NTN4: variants seen among roughly 807,000 people sequenced by gnomAD.
NTN4 encodes netrin-4.
Under a neutral mutation model 73.6 loss-of-function variants are expected in NTN4, and 32 were observed. The ratio of observed to expected loss-of-function variants is 0.44; its 90% CI spans 0.33 to 0.58. The LOEUF (loss-of-function observed/expected upper bound fraction) is 0.58, where lower values mean the gene tolerates loss of function less well. NTN4 is among the 20% of genes least tolerant of loss of function. The pLI is 0.04. For missense variants in NTN4, 654 were observed against 798.3 expected, an observed-to-expected ratio of 0.82 and a Z score of 2.18; for synonymous variants, 258 against 287.5, an observed-to-expected ratio of 0.90 and a Z score of 1.04.
At chr12:95,703,219 C>T (rs1481013700) in intron 5 of NTN4, among the ~76,000 whole-genome samples, 1 of 152,140 alleles carries the variant, frequency 6.6e-6, no homozygotes, top group Non-Finnish European at 1.5e-5. Context: ...AAAGGGCTGT[C>T]ATATGTTCAT....
chr12:95,769,751 CTT>C (rs34093723), intron 2 of NTN4, among the ~76,000 whole-genome samples: 6 of 117,100 alleles, frequency 5.1e-5, no homozygotes, highest in Admixed American at 9.4e-5. Flanking sequence ...AGGTTTCAAT[CTT>C]TTTTTTTTTT....
At chr12:95,700,079 G>A (rs1565888821) in intron 5 of NTN4, among the ~76,000 whole-genome samples, 1 of 86,288 alleles carries the variant, frequency 1.2e-5, no homozygotes, top group African/African-American at 3.8e-5. Flanking sequence ...CTAAAGTGAG[G>A]ATTTTTTTTT....
intron 7 of NTN4, among the ~76,000 whole-genome samples, chr12:95,682,056 G>GTTTTTTTTTTT (rs1349857597): frequency 7.1e-4 from 27 of 37,934 alleles, no homozygotes; most frequent in East Asian, 4.6e-3. Context: ...TATTCAGTAG[G>GTTTTTTTTTTT]CTTTTTTTTT....
chr12:95,745,469 C>T (rs1047461948), intron 2 of NTN4, among the ~76,000 whole-genome samples: 11 of 152,114 alleles, frequency 7.2e-5, no homozygotes, highest in Admixed American at 2.6e-4. Context: ...TCATCTCAGG[C>T]ATCAGAATCT....
At chr12:95,738,509 G>A (rs1296080297) in intron 2 of NTN4, among the ~76,000 whole-genome samples, 1 of 152,200 alleles carries the variant, frequency 6.6e-6, no homozygotes, top group Non-Finnish European at 1.5e-5. Context: ...AAGTCAGTGT[G>A]ACTGGAGACC....
Position 95,730,988 on chromosome 12 carries a change from T to C in NTN4, c.864+6878A>G, listed in dbSNP as rs552490362. 2.0e-5 allele frequency among the ~76,000 whole-genome samples: 3 copies of C among 152,312 alleles called. No individual in the cohort carries two copies. The South Asian group carries it at 6.2e-4, about 32-fold the overall frequency. On this transcript the variant is annotated intron_variant, in intron 3 of 9. Coordinates refer to ENST00000343702, the MANE Select transcript of NTN4 (RefSeq NM_021229.4). ...AGTAAAGGATGGTAGATCCAGAAAT[T>C]CCTCTTCCTAATAAAACCATAGATA...
intron 2 of NTN4, among the ~76,000 whole-genome samples, chr12:95,753,974 C>T (rs1295531500): frequency 3.3e-5 from 5 of 152,108 alleles, no homozygotes; most frequent in Non-Finnish European, 2.9e-5. Flanking sequence ...TTTACACTGC[C>T]GGTTTACACT....
intron 5 of NTN4, 147 bp downstream of exon 5, chr12:95,710,294 T>G: frequency 1.7e-6 from 1 of 592,774 alleles, no homozygotes; most frequent in Non-Finnish European, 2.9e-6. Flanking sequence ...TTCTTGCCTC[T>G]TATCAATGAA....
rs111232775 is a variant in NTN4, at chr12:95,696,463, C to A, written c.1181-12752G>T. 2.6e-5 allele frequency among the ~76,000 whole-genome samples: 4 copies of A among 152,248 alleles called. 1 individual carries two copies. Among genetic ancestry groups the A allele is most frequent in the African/African-American group, 9.6e-5 (4 of 41,546 alleles). On this transcript the variant is annotated intron_variant, in intron 5 of 9. Coordinates refer to ENST00000343702, the MANE Select transcript of NTN4 (RefSeq NM_021229.4). ...CCAATAATCTTCTGATTTTTCACCT[C>A]ACTGCCGTCACTATAGTACATTGTA...
rs1205112737 is a variant in NTN4 at position 95,658,561 on chromosome 12, G to C, written c.*525C>G. 1 of 152,654 alleles carries C rather than the reference G, an allele frequency of 6.6e-6. No homozygotes were observed. The highest frequency in any genetic ancestry group is 1.5e-5 in the Non-Finnish European group (1 of 68,056). The allele number at this position is 152,654 out of a possible 1,614,324, so 9.5% of individuals were successfully genotyped here. ...CCAAACGTTCACAACACAAGTGGTAGGTAGTAAAGTGCTTTATACAAGGAA... is the reference window on the plus strand; with the variant it reads ...CCAAACGTTCACAACACAAGTGGTACGTAGTAAAGTGCTTTATACAAGGAA... On this transcript the variant is annotated 3_prime_UTR_variant, in exon 10 of 10. Coordinates refer to ENST00000343702, the MANE Select transcript of NTN4 (RefSeq NM_021229.4).
intron 3 of NTN4, among the ~76,000 whole-genome samples, chr12:95,718,797 C>A (rs757161009): frequency 3.3e-5 from 5 of 152,082 alleles, no homozygotes; most frequent in African/African-American, 1.2e-4. Flanking sequence ...AAAATAAATA[C>A]GATCCTTTTT....
intron 1 of NTN4, among the ~76,000 whole-genome samples, chr12:95,788,437 C>A (rs1322922291): frequency 6.6e-6 from 1 of 152,174 alleles, no homozygotes; most frequent in African/African-American, 2.4e-5. Context: ...ATTCTGAGTA[C>A]ATACTATAAT....
intron 4 of NTN4, 38 bp downstream of exon 4, chr12:95,713,174 C>A (rs1398506517): frequency 6.3e-7 from 1 of 1,594,744 alleles, no homozygotes; most frequent in African/African-American, 1.3e-5. Flanking sequence ...GTTGACTTTA[C>A]AAAGAAAGCT....
At chr12:95,786,913 G>C (rs2079171472) in intron 2 of NTN4, 26 bp downstream of exon 2, 2 of 1,598,710 alleles carry the variant, frequency 1.3e-6, no homozygotes, top group African/African-American at 2.7e-5. Context: ...CTTACTTACA[G>C]TGTAGAGTTA....
intron 5 of NTN4, among the ~76,000 whole-genome samples, chr12:95,704,034 T>C (rs919689064): frequency 6.6e-6 from 1 of 151,806 alleles, no homozygotes; most frequent in Admixed American, 6.6e-5. Context: ...GCTCAAGTGA[T>C]CCTCCCTCCT....
chr12:95,782,378 C>A (rs1459078590), intron 2 of NTN4, among the ~76,000 whole-genome samples: 1 of 151,978 alleles, frequency 6.6e-6, no homozygotes, highest in Non-Finnish European at 1.5e-5. Context: ...TCACTGCAAC[C>A]TCCGCCTCCC....
In NTN4 at chr12:95,787,422, G is replaced by A. The variant is rs1488414830; in HGVS notation, c.102C>T (p.Cys34=). 2 of 1,614,074 alleles carry A rather than the reference G, an allele frequency of 1.2e-6. No homozygotes were observed. The highest frequency in any genetic ancestry group is 1.7e-5 in the Admixed American group (1 of 60,000). The change falls in exon 2 of 10, where the codon TGC becomes TGT. Residue 34 remains cysteine, a synonymous_variant. Coordinates refer to ENST00000343702, the MANE Select transcript of NTN4 (RefSeq NM_021229.4). ...AGVSSRCEKA[C]NPRMGNLALG... ...AAGCCAAATTTCCCATCCGAGGGTT[G>A]CAGGCTTTTTCACAGCGGGAACTCA... is the stretch of plus-strand genomic sequence containing the variant.
chr12:95,741,630 T>TAC (rs1384680889), intron 2 of NTN4, among the ~76,000 whole-genome samples: 1 of 145,632 alleles, frequency 6.9e-6, no homozygotes, highest in Non-Finnish European at 1.5e-5. Flanking sequence ...GTGTTTAATA[T>TAC]ATATATATAA....
chr12:95,787,983 G>A (rs970115968), intron 1 of NTN4, among the ~76,000 whole-genome samples: 15 of 152,192 alleles, frequency 9.9e-5, no homozygotes, highest in African/African-American at 3.4e-4. Context: ...AGAAGGAAAT[G>A]TGGAATTCTA....
Sources: allele counts gnomAD v4.1 joint callset (sites outside exome capture counted in the v4.1 genomes callset), GRCh38; gene constraint gnomAD v4.1.1; transcripts MANE v1.5; gene names NCBI Gene and HGNC (gene_info 2026-07-23, HGNC 2026-07-21).